The following SEZ6 variants were observed in gnomAD, a reference collection of about 807,000 sequenced individuals.
SEZ6 encodes seizure protein 6 homolog.
Under a neutral mutation model 101.0 loss-of-function variants are expected in SEZ6, and 53 were observed. The ratio of observed to expected loss-of-function variants is 0.52; its 90% CI spans 0.42 to 0.66. The LOEUF (loss-of-function observed/expected upper bound fraction) is 0.66, where lower values mean the gene tolerates loss of function less well. SEZ6 is among the 30% of genes least tolerant of loss of function. The probability of loss-of-function intolerance (pLI) is 0.00; values close to 1 mark genes in which losing one functional copy is unlikely to be tolerated. For missense variants in SEZ6, 1,102 were observed against 1,289.4 expected, an observed-to-expected ratio of 0.85 and a Z score of 2.23; for synonymous variants, 488 against 512.2, an observed-to-expected ratio of 0.95 and a Z score of 0.64.
intron 3 of SEZ6, among the ~76,000 whole-genome samples, chr17:28,975,545 G>C (rs1018823830): frequency 6.6e-6 from 1 of 152,196 alleles, no homozygotes; most frequent in African/African-American, 2.4e-5. Flanking sequence ...AAAACCTTAT[G>C]GGGTAAGATC....
intron 1 of SEZ6, among the ~76,000 whole-genome samples, chr17:29,004,951 G>C (rs1338382034): frequency 6.6e-6 from 1 of 152,182 alleles, no homozygotes; most frequent in African/African-American, 2.4e-5. Context: ...CAGACTCCTA[G>C]AGGGGGCGCG....
intron 1 of SEZ6, among the ~76,000 whole-genome samples, chr17:28,996,007 T>C (rs2041531992): frequency 6.6e-6 from 1 of 151,572 alleles, no homozygotes; most frequent in Non-Finnish European, 1.5e-5. Context: ...CCAGCCTTAT[T>C]TCCTTTTTTT....
intron 11 of SEZ6, 182 bp downstream of exon 11, chr17:28,957,765 T>C: frequency 1.2e-6 from 1 of 857,714 alleles, no homozygotes; most frequent in Non-Finnish European, 1.8e-6. Flanking sequence ...ATACTTAGAG[T>C]ACGTGGCTGA....
In SEZ6 at chr17:28,956,168, G is replaced by C; in HGVS notation, c.2943C>G (p.Tyr981Ter). The change falls in exon 16 of 17, where the codon TAC becomes TAG. Residue 981 changes from tyrosine (Y) to a stop codon, truncating the protein, a stop_gained. Coordinates refer to ENST00000317338, the MANE Select transcript of SEZ6 (RefSeq NM_178860.5). LOFTEE classifies it high-confidence loss of function. Reference protein sequence around the residue: ...TIESAFDNPTYETGSLSFAGD... With the variant: ...TIESAFDNPT ...TGGCATGGTTACTTACTCCAGTCTC[G>C]TAAGTTGGATTGTCAAACGCTGACT... The C allele has an allele frequency of 6.6e-7, 1 of 1,517,728 alleles. No individual in the cohort carries two copies. The highest frequency in any genetic ancestry group is 8.9e-7 in the Non-Finnish European group (1 of 1,119,578). 94.0% of individuals were successfully genotyped at this position (1,517,728 alleles called of 1,614,324 possible).
chr17:28,958,895 TC>T (rs1719284070), intron 10 of SEZ6, 129 bp downstream of exon 10: 2 of 1,050,458 alleles, frequency 1.9e-6, no homozygotes, highest in East Asian at 5.3e-5. Context: ...ACTAGCTTCC[TC>T]CAGGTGATCC....
At chr17:28,972,828 A>G (rs1182888467) in intron 3 of SEZ6, among the ~76,000 whole-genome samples, 2 of 152,140 alleles carry the variant, frequency 1.3e-5, no homozygotes, top group Non-Finnish European at 2.9e-5. Context: ...GGGAGAGCGA[A>G]GGGCTCAGAG....
intron 1 of SEZ6, among the ~76,000 whole-genome samples, chr17:29,004,185 A>T (rs2041653780): frequency 6.6e-6 from 1 of 152,040 alleles, no homozygotes. Context: ...GGCCCTGATT[A>T]CTCTCACATT....
chr17:28,969,680 T>C, intron 4 of SEZ6, 77 bp downstream of exon 4: 2 of 1,303,088 alleles, frequency 1.5e-6, no homozygotes, highest in African/African-American at 1.6e-5. Flanking sequence ...TAGGATGTAA[T>C]TGCACAGAGA....
intron 1 of SEZ6, among the ~76,000 whole-genome samples, chr17:28,998,597 A>C (rs1334997615): frequency 1.3e-5 from 2 of 152,084 alleles, no homozygotes; most frequent in Non-Finnish European, 2.9e-5. Flanking sequence ...GATCAAAGGA[A>C]ATCAGTGGGG....
intron 1 of SEZ6, among the ~76,000 whole-genome samples, chr17:28,985,602 G>A (rs764342447): frequency 3.9e-5 from 6 of 152,240 alleles, no homozygotes; most frequent in Non-Finnish European, 7.3e-5. Context: ...TGAAGGCTGA[G>A]GGAGAAGGCC....
At chr17:28,966,035 C>G (rs562570348) in intron 4 of SEZ6, among the ~76,000 whole-genome samples, 1 of 150,294 alleles carries the variant, frequency 6.7e-6, no homozygotes, top group African/African-American at 2.5e-5. Context: ...CCCAGCTACT[C>G]GGGAGGCTGA....
Position 28,955,882 on chromosome 17 carries a change from G to A in SEZ6, c.*80C>T. 6.8e-7 allele frequency: 1 copy of A among 1,481,004 alleles called. No individual in the cohort carries two copies. The highest frequency in any genetic ancestry group is 1.2e-5 in the South Asian group (1 of 83,350). 91.7% of individuals were successfully genotyped at this position (1,481,004 alleles called of 1,614,324 possible). A position where few individuals can be genotyped will look rare whatever the true frequency, so the allele number is the denominator to read the frequency against. On this transcript the variant is annotated 3_prime_UTR_variant, in exon 17 of 17. Coordinates refer to ENST00000317338, the MANE Select transcript of SEZ6 (RefSeq NM_178860.5). ...ATATACAGGAGGTGGAGGGACAGCA[G>A]GAAGCAAGGAGCCTTGCTGCTGGAC... is the stretch of plus-strand genomic sequence containing the variant.
At chr17:28,977,710 G>C (rs941849511) in intron 3 of SEZ6, among the ~76,000 whole-genome samples, 10 of 152,148 alleles carry the variant, frequency 6.6e-5, no homozygotes, top group South Asian at 4.2e-4. Context: ...GGTAGGCTTG[G>C]GGGGGGCAGA....
intron 1 of SEZ6, among the ~76,000 whole-genome samples, chr17:28,983,818 G>A (rs1489594379): frequency 6.6e-6 from 1 of 152,070 alleles, no homozygotes; most frequent in Non-Finnish European, 1.5e-5. Flanking sequence ...CGCTTCCTCC[G>A]CACGTCTGGT....
At chr17:28,989,018 T>TA (rs1168722166) in intron 1 of SEZ6, among the ~76,000 whole-genome samples, 2 of 152,104 alleles carry the variant, frequency 1.3e-5, no homozygotes, top group Non-Finnish European at 2.9e-5. Flanking sequence ...GGGACAGGGG[T>TA]AACTGTGGGC....
intron 5 of SEZ6, among the ~76,000 whole-genome samples, chr17:28,961,886 G>A (rs2040984238): frequency 6.6e-6 from 1 of 152,184 alleles, no homozygotes; most frequent in African/African-American, 2.4e-5. Context: ...AATGCTCAAG[G>A]CAGCAGAATA....
intron 4 of SEZ6, among the ~76,000 whole-genome samples, chr17:28,967,176 T>C (rs914803941): frequency 3.3e-5 from 5 of 152,376 alleles, no homozygotes; most frequent in Non-Finnish European, 7.3e-5. Flanking sequence ...TGTTATTGTT[T>C]GTAATCTTGA....
intron 1 of SEZ6, among the ~76,000 whole-genome samples, chr17:29,004,854 C>T (rs1418311706): frequency 1.2e-4 from 19 of 152,168 alleles, no homozygotes; most frequent in Admixed American, 1.2e-3. Flanking sequence ...CCCCGAGGCA[C>T]GGAACCCCTA....
chr17:28,974,128 T>G (rs1428256378), intron 3 of SEZ6, among the ~76,000 whole-genome samples: 1 of 152,216 alleles, frequency 6.6e-6, no homozygotes, highest in Non-Finnish European at 1.5e-5. Flanking sequence ...CCTAATGGCG[T>G]AACCCACAGA....
Sources: gnomAD v4.1 joint callset for allele counts (sites outside exome capture counted in the v4.1 genomes callset) on GRCh38, gnomAD v4.1.1 for gene constraint, MANE v1.5 for transcripts, NCBI Gene and HGNC (gene_info 2026-07-23, HGNC 2026-07-21) for gene names.